Variants in TAFA5 observed in about 807,000 individuals in gnomAD.
TAFA5 encodes chemokine-like protein TAFA-5.
Under a neutral mutation model 15.3 loss-of-function variants are expected in TAFA5, and 6 were observed. The observed-to-expected ratio is 0.39, with a 90% CI of 0.21 to 0.77. TAFA5 has a LOEUF of 0.77. TAFA5 is among the 30% of genes least tolerant of loss of function. The pLI is 0.41. For synonymous variants in TAFA5, 103 were observed against 80.7 expected (o/e 1.28, Z -1.48); for missense variants, 161 against 193.1 (o/e 0.83, Z 0.98).
intron 2 of TAFA5, among the ~76,000 whole-genome samples, chr22:48,690,944 G>T (rs1370826448): frequency 6.6e-6 from 1 of 152,148 alleles, no homozygotes; most frequent in African/African-American, 2.4e-5. Context: ...CCCACATCTG[G>T]ATGGGGTCCA....
intron 1 of TAFA5, among the ~76,000 whole-genome samples, chr22:48,568,351 A>C (rs1923475330): frequency 6.6e-6 from 1 of 152,142 alleles, no homozygotes; most frequent in Non-Finnish European, 1.5e-5. Context: ...AGGATGTGCA[A>C]CTCACTCAGC....
intron 1 of TAFA5, among the ~76,000 whole-genome samples, chr22:48,591,449 A>C (rs1924564764): frequency 6.6e-6 from 1 of 152,212 alleles, no homozygotes; most frequent in Non-Finnish European, 1.5e-5. Context: ...GCGATGCCTC[A>C]GTTGCCTGCA....
rs1476396957 is a variant in TAFA5 at position 48,598,014 on chromosome 22, G to A, written c.113-48583G>A. Among the ~76,000 whole-genome samples, 2 of 152,224 alleles carry A rather than the reference G, an allele frequency of 1.3e-5. No homozygotes were observed. The highest frequency in any genetic ancestry group is 2.4e-5 in the African/African-American group (1 of 41,450). On this transcript the variant is annotated intron_variant, in intron 1 of 3. Coordinates refer to ENST00000402357, the MANE Select transcript of TAFA5 (RefSeq NM_001082967.3). The surrounding 1 kb of genome is among the most constrained non-coding windows in gnomAD (Gnocchi z 4.0). ...CAGAGAACGGAACCAATGGGACTTCGAGAGAGCGAGAGGGAGCGAGGTTTC... is the reference window on the plus strand; with the variant it reads ...CAGAGAACGGAACCAATGGGACTTCAAGAGAGCGAGAGGGAGCGAGGTTTC...
chr22:48,544,336 A>G (rs1210007443), intron 1 of TAFA5: 4 of 269,146 alleles, frequency 1.5e-5, no homozygotes, highest in African/African-American at 6.6e-5. Flanking sequence ...CCTCTATGGG[A>G]GGAGGCTGCA....
chr22:48,511,734 A>T (rs1392264587), intron 1 of TAFA5, among the ~76,000 whole-genome samples: 1 of 152,190 alleles, frequency 6.6e-6, no homozygotes, highest in Non-Finnish European at 1.5e-5. Context: ...CCATCTCTCC[A>T]GGTATCGGAA....
intron 2 of TAFA5, among the ~76,000 whole-genome samples, chr22:48,691,006 T>A (rs1055713414): frequency 3.9e-5 from 6 of 152,094 alleles, no homozygotes; most frequent in African/African-American, 1.2e-4. Flanking sequence ...ATCAGGAAGA[T>A]GCTTGACCCT....
Position 48,575,884 on chromosome 22 carries a change from G to A in TAFA5, c.113-70713G>A, listed in dbSNP as rs1569031049. ...CCTGGCCCGCCGCGGCGGCGGTGGCGGCGGCGGCGCGGCGGCCCCCTGAGC... is the reference window on the plus strand; with the variant it reads ...CCTGGCCCGCCGCGGCGGCGGTGGCAGCGGCGGCGCGGCGGCCCCCTGAGC... On this transcript the variant is annotated intron_variant, in intron 1 of 3. Coordinates refer to ENST00000402357, the MANE Select transcript of TAFA5 (RefSeq NM_001082967.3). Among the ~76,000 whole-genome samples, 5 of 142,508 alleles carry A rather than the reference G, an allele frequency of 3.5e-5. No individual in the cohort carries two copies. The East Asian group carries it at 6.4e-4, about 18-fold the overall frequency. The allele number at this position is 142,508 out of a possible 152,430, so 93.5% of individuals were successfully genotyped here. A position where few individuals can be genotyped will look rare whatever the true frequency, so the allele number is the denominator to read the frequency against.
chr22:48,516,447 C>G (rs1390470728), intron 1 of TAFA5, among the ~76,000 whole-genome samples: 1 of 152,122 alleles, frequency 6.6e-6, no homozygotes, highest in Non-Finnish European at 1.5e-5. Flanking sequence ...CAGACATCAT[C>G]ACCATCGTCT....
chr22:48,511,704 A>G (rs1265339373), intron 1 of TAFA5, among the ~76,000 whole-genome samples: 3 of 152,234 alleles, frequency 2.0e-5, no homozygotes, highest in South Asian at 4.1e-4. Context: ...GGCCCGGCAC[A>G]CACAGGCCCT....
At chr22:48,576,255 C>G in intron 1 of TAFA5, 1 of 550,832 alleles carries the variant, frequency 1.8e-6, no homozygotes, top group Non-Finnish European at 2.6e-6. Context: ...CCCCGCCCGC[C>G]CCCTCCGCGG....
intron 3 of TAFA5, among the ~76,000 whole-genome samples, chr22:48,715,565 G>A (rs1929378982): frequency 6.6e-6 from 1 of 152,236 alleles, no homozygotes; most frequent in South Asian, 2.1e-4. Flanking sequence ...TTAGGGACAT[G>A]TTTGGCAGGT....
At chr22:48,592,958 C>G (rs1272348863) in intron 1 of TAFA5, among the ~76,000 whole-genome samples, 2 of 152,014 alleles carry the variant, frequency 1.3e-5, no homozygotes, top group East Asian at 3.9e-4. Flanking sequence ...GTGGACCTGT[C>G]TGTGGGGTTT....
chr22:48,612,514 C>G (rs990337767), intron 1 of TAFA5, among the ~76,000 whole-genome samples: 1 of 152,144 alleles, frequency 6.6e-6, no homozygotes, highest in African/African-American at 2.4e-5. Flanking sequence ...CTCGTCTCTC[C>G]TGGACCCTCC....
At chr22:48,729,338 AAT>A (rs1200471578) in intron 3 of TAFA5, among the ~76,000 whole-genome samples, 1 of 57,190 alleles carries the variant, frequency 1.7e-5, no homozygotes, top group East Asian at 3.5e-4. Context: ...TTTATTTGTA[AAT>A]ATATATTTTT....
intron 3 of TAFA5, among the ~76,000 whole-genome samples, chr22:48,740,630 A>G (rs130223): frequency 0.7 from 106,521 of 152,056 alleles, 38,454 homozygotes; most frequent in African/African-American, 0.78. Flanking sequence ...ACTGGCCCAC[A>G]CTCTCAGCCA....
chr22:48,693,335 C>T (rs1928600852), intron 2 of TAFA5: 1 of 1,612,276 alleles, frequency 6.2e-7, no homozygotes, highest in South Asian at 1.1e-5. Flanking sequence ...AGGGAAAAAC[C>T]AGGAAAGCAC....
At chr22:48,637,375 C>G (rs1419290325) in intron 1 of TAFA5, among the ~76,000 whole-genome samples, 1 of 152,156 alleles carries the variant, frequency 6.6e-6, no homozygotes. Flanking sequence ...GGTCTCCGCC[C>G]CGGAGCTCTG....
intron 1 of TAFA5, among the ~76,000 whole-genome samples, chr22:48,575,751 C>T (rs1239590910): frequency 4.1e-5 from 6 of 144,898 alleles, no homozygotes; most frequent in Non-Finnish European, 9.2e-5. Context: ...GGCCCGCCAG[C>T]CCCGGGCCGC....
chr22:48,603,837 G>T (rs1040488155), intron 1 of TAFA5, among the ~76,000 whole-genome samples: 3 of 152,106 alleles, frequency 2.0e-5, no homozygotes, highest in Non-Finnish European at 4.4e-5. Flanking sequence ...GAGATCCAGT[G>T]GGCTGGCAGG....
Sources: allele counts gnomAD v4.1 joint callset (sites outside exome capture counted in the v4.1 genomes callset), GRCh38; gene constraint gnomAD v4.1.1; non-coding constraint Gnocchi (gnomAD v3.1); transcripts MANE v1.5; gene names NCBI Gene and HGNC (gene_info 2026-07-23, HGNC 2026-07-21).